WFDC9: variants seen among roughly 807,000 people sequenced by gnomAD.
The protein encoded by WFDC9 is protein WFDC9.
In WFDC9, 9 loss-of-function variants were observed where a neutral mutation model predicts 9.5. The ratio of observed to expected loss-of-function variants is 0.95; its 90% CI spans 0.57 to 1.65. The LOEUF is 1.65. WFDC9 is among the 40% of genes most tolerant of loss of function. The pLI, the probability that WFDC9 is intolerant of heterozygous loss-of-function variation, is 0.00. For synonymous variants in WFDC9, 33 were observed against 32.3 expected (o/e 1.02, Z -0.07); for missense variants, 87 against 106.7 (o/e 0.82, Z 0.81).
chr20:45,630,869 G>A, intron 1 of WFDC9: 1 of 1,594,324 alleles, frequency 6.3e-7, no homozygotes, highest in Non-Finnish European at 8.5e-7. Flanking sequence ...CTCCTTGTCA[G>A]AAACACAGCT....
At chr20:45,616,789 C>T (rs773491899) in intron 1 of WFDC9, among the ~76,000 whole-genome samples, 2 of 152,266 alleles carry the variant, frequency 1.3e-5, no homozygotes, top group African/African-American at 4.8e-5. Context: ...TAGGCCTCAA[C>T]AGTGGGCTTA....
At chr20:45,622,331 G>T (rs1755332494) in intron 1 of WFDC9, among the ~76,000 whole-genome samples, 1 of 152,030 alleles carries the variant, frequency 6.6e-6, no homozygotes, top group African/African-American at 2.4e-5. Context: ...TTATAATGTG[G>T]CTAGATATGC....
chr20:45,628,013 C>T (rs1227526678), intron 1 of WFDC9, among the ~76,000 whole-genome samples: 1 of 151,984 alleles, frequency 6.6e-6, no homozygotes, highest in Admixed American at 6.6e-5. Flanking sequence ...TCAAATTACC[C>T]ATCTCTTTAC....
chr20:45,627,112 A>G (rs1053413349), intron 1 of WFDC9, among the ~76,000 whole-genome samples: 5 of 152,204 alleles, frequency 3.3e-5, no homozygotes, highest in African/African-American at 4.8e-5. Context: ...GATGTGAAGT[A>G]TCACATTTAT....
chr20:45,616,248 C>A (rs1414197012), intron 1 of WFDC9, among the ~76,000 whole-genome samples: 4 of 152,184 alleles, frequency 2.6e-5, no homozygotes, highest in Non-Finnish European at 4.4e-5. Context: ...CAACAATGTT[C>A]ACAGCATCTT....
At chr20:45,609,443 C>T (rs977105540) in intron 3 of WFDC9, among the ~76,000 whole-genome samples, 72 of 152,166 alleles carry the variant, frequency 4.7e-4, no homozygotes, top group African/African-American at 1.7e-3. Flanking sequence ...CCTCGTGATC[C>T]GCCCACCTCA....
intron 1 of WFDC9, chr20:45,629,596 C>T (rs1982304654): frequency 4.7e-6 from 2 of 422,986 alleles, no homozygotes; most frequent in Non-Finnish European, 8.4e-6. Flanking sequence ...AAGGAGGAGG[C>T]GTCATTCCTG....
chr20:45,630,802 A>G (rs1982344310), intron 1 of WFDC9: 1 of 1,480,686 alleles, frequency 6.8e-7, no homozygotes, highest in Non-Finnish European at 9.0e-7. Flanking sequence ...GTCTTGGAGG[A>G]GGCTTCAGCT....
intron 1 of WFDC9, 104 bp downstream of exon 1, chr20:45,631,099 C>T (rs1327532231): frequency 6.9e-7 from 1 of 1,440,318 alleles, no homozygotes; most frequent in Admixed American, 2.5e-5. Flanking sequence ...GCACAAGGAC[C>T]TCAAGTCACC....
At chr20:45,618,827 A>T (rs955987948) in intron 1 of WFDC9, among the ~76,000 whole-genome samples, 1 of 152,282 alleles carries the variant, frequency 6.6e-6, no homozygotes, top group African/African-American at 2.4e-5. Flanking sequence ...TGACACAAAG[A>T]CATAAGTGAG....
chr20:45,617,979 A>G (rs1442246729), intron 1 of WFDC9, among the ~76,000 whole-genome samples: 1 of 152,244 alleles, frequency 6.6e-6, no homozygotes, highest in Non-Finnish European at 1.5e-5. Flanking sequence ...GATCATCATA[A>G]AGTTCCTTGA....
At chr20:45,628,069 C>A (rs182068756) in intron 1 of WFDC9, among the ~76,000 whole-genome samples, 34 of 152,124 alleles carry the variant, frequency 2.2e-4, no homozygotes, top group African/African-American at 8.0e-4. Flanking sequence ...AAGTATAGAC[C>A]TTCTATATAC....
intron 1 of WFDC9, chr20:45,629,682 C>G (rs746135633): frequency 2.4e-5 from 29 of 1,186,792 alleles, no homozygotes; most frequent in Non-Finnish European, 3.3e-5. Context: ...TGCTCTGCTC[C>G]GACTTGGCCA....
intron 4 of WFDC9, 86 bp from the exon 5 acceptor site, chr20:45,608,226 A>G: frequency 7.0e-7 from 1 of 1,426,018 alleles, no homozygotes; most frequent in African/African-American, 1.4e-5. Flanking sequence ...CCAGATGAAA[A>G]AGGACAGCAA....
At chr20:45,619,180 G>A (rs972886484) in intron 1 of WFDC9, among the ~76,000 whole-genome samples, 3 of 152,126 alleles carry the variant, frequency 2.0e-5, no homozygotes, top group Non-Finnish European at 2.9e-5. Flanking sequence ...TTATTTATAT[G>A]GCAGCAAAAT....
chr20:45,618,559 G>A (rs1463296067), intron 1 of WFDC9, among the ~76,000 whole-genome samples: 5 of 152,196 alleles, frequency 3.3e-5, no homozygotes, highest in Middle Eastern at 3.4e-3. Flanking sequence ...AGTCTGTTGC[G>A]GGGTTATTAA....
At chr20:45,617,042 C>T (rs1005276122) in intron 1 of WFDC9, among the ~76,000 whole-genome samples, 2 of 152,154 alleles carry the variant, frequency 1.3e-5, no homozygotes, top group African/African-American at 2.4e-5. Flanking sequence ...GCATCTTCTT[C>T]CAATATAAGG....
chr20:45,614,626 A>G lies in WFDC9; in HGVS notation c.-59+2T>C, dbSNP rs1231721789. On this transcript the variant is annotated splice_donor_variant, in intron 2 of 4. Coordinates refer to ENST00000326000, the MANE Select transcript of WFDC9 (RefSeq NM_147198.4). LOFTEE classifies it low-confidence loss of function (5UTR_SPLICE). ...TGTCTCAAGACCTTTATCCCCACCT[A>G]CCTCTGAAGGTGTCTGCATTGAGTG... The G allele has an allele frequency of 6.6e-6, 1 of 151,994 alleles. No individual in the cohort carries two copies. The highest frequency in any genetic ancestry group is 1.5e-5 in the Non-Finnish European group (1 of 67,994). 9.4% of individuals were successfully genotyped at this position (151,994 alleles called of 1,614,324 possible).
At chr20:45,629,567 C>T in intron 1 of WFDC9, 1 of 374,932 alleles carries the variant, frequency 2.7e-6, no homozygotes, top group Admixed American at 4.3e-5. Flanking sequence ...TCGGCAAGAA[C>T]ACAAGACTGG....
Sources: allele counts gnomAD v4.1 joint callset (sites outside exome capture counted in the v4.1 genomes callset), GRCh38; gene constraint gnomAD v4.1.1; transcripts MANE v1.5; gene names NCBI Gene and HGNC (gene_info 2026-07-23, HGNC 2026-07-21).